The following LAMA2 variants were observed in gnomAD, a reference collection of about 807,000 sequenced individuals.
The protein encoded by LAMA2 is laminin subunit alpha-2.
A neutral mutation model predicts 364.8 loss-of-function variants in LAMA2; 269 were observed. That is an observed-to-expected ratio of 0.74 (90% confidence interval 0.67 to 0.82). LAMA2 has a LOEUF of 0.82. LAMA2 is among the 40% of genes least tolerant of loss of function. LAMA2 has a pLI of 0.00. For missense variants in LAMA2, 3,807 were observed against 3,873.2 expected, an observed-to-expected ratio of 0.98 and a Z score of 0.45; for synonymous variants, 1,379 against 1,370.6, an observed-to-expected ratio of 1.01 and a Z score of -0.14.
intron 1 of LAMA2, among the ~76,000 whole-genome samples, chr6:128,936,250 C>T (rs1779804019): frequency 6.6e-6 from 1 of 152,196 alleles, no homozygotes; most frequent in Admixed American, 6.5e-5. Flanking sequence ...GCACCCTTAT[C>T]TTATTCCTAA....
At chr6:128,986,528 G>C (rs1459344262) in intron 1 of LAMA2, among the ~76,000 whole-genome samples, 1 of 151,884 alleles carries the variant, frequency 6.6e-6, no homozygotes, top group Non-Finnish European at 1.5e-5. Context: ...TTTCATATTT[G>C]TATCTTTTTT....
At position 129,143,974 on chromosome 6, in the gene LAMA2, C is replaced by A. The variant is rs398123384; in HGVS notation, c.713C>A (p.Ala238Asp). 6.2e-7 allele frequency: 1 copy of A among 1,612,306 alleles called. No homozygotes were observed. Among genetic ancestry groups the A allele is most frequent in the Non-Finnish European group, 8.5e-7 (1 of 1,178,758 alleles). The change falls in exon 5 of 65, where the codon GCT becomes GAT. Residue 238 changes from alanine (A) to aspartate (D), a missense_variant. Transcript: ENST00000421865. ...PSPELLEFTS[A>D]RYIRLRFQRI... Reference sequence around the variant, plus strand: ...CCAGAACTGCTAGAATTTACCTCCGCTCGCTATATTCGCCTGAGATTTCAG... The same window carrying A: ...CCAGAACTGCTAGAATTTACCTCCGATCGCTATATTCGCCTGAGATTTCAG...
At chr6:128,884,424 C>G (rs999176096) in intron 1 of LAMA2, among the ~76,000 whole-genome samples, 1 of 152,170 alleles carries the variant, frequency 6.6e-6, no homozygotes, top group African/African-American at 2.4e-5. Flanking sequence ...GAGGCTGAAT[C>G]TGCTTAAGTT....
At position 129,119,553 on chromosome 6, in the gene LAMA2, T is replaced by A. The variant is rs192448908; in HGVS notation, c.639+21138T>A. Among the ~76,000 whole-genome samples, 882 of 151,902 alleles carry A rather than the reference T, an allele frequency of 5.8e-3. 3 individuals carry two copies. The highest frequency in any genetic ancestry group is 0.023 in the East Asian group (118 of 5,180). On this transcript the variant is annotated intron_variant, in intron 4 of 64. Transcript: ENST00000421865. ...TTTTTATTAATTAATTAATTAATTATTTATTTATTTTTGAGACGGAGTCTC... is the reference window on the plus strand; with the variant it reads ...TTTTTATTAATTAATTAATTAATTAATTATTTATTTTTGAGACGGAGTCTC...
intron 12 of LAMA2, among the ~76,000 whole-genome samples, chr6:129,248,177 T>C (rs1194620719): frequency 6.6e-6 from 1 of 152,120 alleles, no homozygotes; most frequent in Non-Finnish European, 1.5e-5. Flanking sequence ...ACGCTCCTTA[T>C]GAGAATCTAA....
chr6:129,483,429 A>G (rs1247114476), intron 55 of LAMA2, among the ~76,000 whole-genome samples: 5 of 152,180 alleles, frequency 3.3e-5, no homozygotes, highest in Non-Finnish European at 7.4e-5. Flanking sequence ...AATAGACATA[A>G]AGCCCATATG....
intron 4 of LAMA2, among the ~76,000 whole-genome samples, chr6:129,139,329 C>G (rs1777981577): frequency 6.6e-6 from 1 of 152,010 alleles, no homozygotes. Context: ...ATGGATTCAA[C>G]TGACTGCAGA....
chr6:129,248,084 G>A (rs988413390), intron 12 of LAMA2, among the ~76,000 whole-genome samples: 9 of 152,140 alleles, frequency 5.9e-5, no homozygotes, highest in Admixed American at 2.6e-4. Flanking sequence ...GAGCTCTACC[G>A]CCTGTCAGAT....
At chr6:129,164,469 G>A (rs376520031) in intron 8 of LAMA2, among the ~76,000 whole-genome samples, 155 of 152,196 alleles carry the variant, frequency 1.0e-3, no homozygotes, top group Non-Finnish European at 1.7e-3. Context: ...AGGACATTTC[G>A]GAGAATACAA....
chr6:129,246,409 A>G (rs1218943417), intron 12 of LAMA2, among the ~76,000 whole-genome samples: 1 of 152,204 alleles, frequency 6.6e-6, no homozygotes, highest in Non-Finnish European at 1.5e-5. Context: ...AGTGCCCAAC[A>G]GATATTTAGT....
chr6:129,371,607 C>CT (rs376262275), intron 34 of LAMA2, among the ~76,000 whole-genome samples: 55,642 of 132,538 alleles, frequency 0.42, 12,390 homozygotes, highest in Non-Finnish European at 0.5. Context: ...AAAAGTATTT[C>CT]TTTTTTTTTT....
intron 16 of LAMA2, among the ~76,000 whole-genome samples, chr6:129,268,329 T>C (rs1399621715): frequency 6.6e-6 from 1 of 152,000 alleles, no homozygotes; most frequent in Admixed American, 6.6e-5. Context: ...CATAAGTCTT[T>C]TAAAATGTAC....
chr6:128,887,792 C>A (rs1288144152), intron 1 of LAMA2, among the ~76,000 whole-genome samples: 2 of 152,136 alleles, frequency 1.3e-5, no homozygotes, highest in African/African-American at 2.4e-5. Flanking sequence ...ATCACTTGAA[C>A]CCTGGAGGCA....
At chr6:129,211,374 C>T (rs1783088854) in intron 12 of LAMA2, among the ~76,000 whole-genome samples, 1 of 152,160 alleles carries the variant, frequency 6.6e-6, no homozygotes. Context: ...AAAAAACCAT[C>T]TAACTCTTTT....
At chr6:129,028,310 T>C (rs973495099) in intron 1 of LAMA2, among the ~76,000 whole-genome samples, 21 of 148,896 alleles carry the variant, frequency 1.4e-4, no homozygotes, top group African/African-American at 4.6e-4. Flanking sequence ...CTTGCATTAA[T>C]TAATGTATTC....
intron 23 of LAMA2, among the ~76,000 whole-genome samples, chr6:129,313,599 G>A (rs921271758): frequency 6.6e-6 from 1 of 152,148 alleles, no homozygotes; most frequent in African/African-American, 2.4e-5. Flanking sequence ...GTGACTATGT[G>A]CAAATTTCAG....
chr6:129,442,269 A>T (rs976309555), intron 43 of LAMA2: 1 of 1,263,440 alleles, frequency 7.9e-7, no homozygotes, highest in African/African-American at 1.5e-5. Flanking sequence ...TATTAATACG[A>T]CTCCTTCATG....
rs1774319409 is a variant in LAMA2, at chr6:129,312,919, A to T, written c.3233A>T (p.Gln1078Leu). ...TTCCAATGCAATGTAAATACAGGCC[A>T]ATGCAACTGTCATCCAAAATTCTCT... The part of the protein sequence containing the change: ...LDFQCNVNTG[Q>L]CNCHPKFSGA... Residue 1078 changes from glutamine to leucine, a missense_variant, in exon 23 of 65, where the codon CAA becomes CTA. Gln to Leu is a moderately radical substitution (Grantham distance 113). Transcript: ENST00000421865. The T allele has an allele frequency of 6.2e-7, 1 of 1,614,084 alleles. No homozygotes were observed. The highest frequency in any genetic ancestry group is 1.7e-5 in the Admixed American group (1 of 60,008).
intron 51 of LAMA2, among the ~76,000 whole-genome samples, chr6:129,465,528 T>C (rs1312163036): frequency 1.3e-5 from 2 of 151,970 alleles, no homozygotes; most frequent in African/African-American, 4.8e-5. Flanking sequence ...TTTGAAAGCA[T>C]AAAACTGTCT....
Sources: allele counts gnomAD v4.1 joint callset (sites outside exome capture counted in the v4.1 genomes callset), GRCh38; gene constraint gnomAD v4.1.1; transcripts MANE v1.5; gene names NCBI Gene and HGNC (gene_info 2026-07-23, HGNC 2026-07-21).